The following RPS6KA5 variants were observed in gnomAD, a reference collection of about 807,000 sequenced individuals.
RPS6KA5 encodes the protein ribosomal protein S6 kinase alpha-5.
RPS6KA5 carries 27 observed loss-of-function variants against 85.5 expected under a neutral mutation model. The observed-to-expected ratio is 0.32, with a 90% CI of 0.23 to 0.44. The LOEUF is 0.44. RPS6KA5 is among the 20% of genes least tolerant of loss of function. The probability of loss-of-function intolerance (pLI) is 1.00; values close to 1 mark genes in which losing one functional copy is unlikely to be tolerated. For synonymous variants in RPS6KA5, 334 were observed against 348.2 expected, an observed-to-expected ratio of 0.96 and a Z score of 0.46; for missense variants, 811 against 980.9, an observed-to-expected ratio of 0.83 and a Z score of 2.31.
intron 5 of RPS6KA5, among the ~76,000 whole-genome samples, chr14:90,936,766 G>A (rs772795602): frequency 6.6e-6 from 1 of 151,922 alleles, no homozygotes; most frequent in Non-Finnish European, 1.5e-5. Context: ...ATCATGAGCA[G>A]AAACATCAAA....
chr14:90,922,601 C>T (rs1295327476), intron 6 of RPS6KA5, among the ~76,000 whole-genome samples: 3 of 152,210 alleles, frequency 2.0e-5, no homozygotes, highest in African/African-American at 7.2e-5. Context: ...GCGCTCGCCA[C>T]CACGCCCAGC....
rs370568633 is a variant in RPS6KA5, at chr14:91,059,061, C to T, written c.103+1271G>A. ...ATAATAACCCGGCCGGGCACGGTGG[C>T]TCACGCCTGTAATCCCAGCACTTTG... On this transcript the variant is annotated intron_variant, in intron 1 of 16. Coordinates refer to ENST00000614987, the MANE Select transcript of RPS6KA5 (RefSeq NM_004755.4). 5.1e-4 allele frequency among the ~76,000 whole-genome samples: 77 copies of T among 152,304 alleles called. 1 individual carries two copies. In the South Asian group the frequency reaches 0.016, roughly 31 times the overall value.
chr14:91,051,264 AAATAAATAAAT>A (rs1232773216), intron 1 of RPS6KA5, among the ~76,000 whole-genome samples: 2 of 150,640 alleles, frequency 1.3e-5, no homozygotes, highest in African/African-American at 4.9e-5. Flanking sequence ...ATAAATAAAT[AAATAAATAAAT>A]AAATAAATAA....
intron 1 of RPS6KA5, among the ~76,000 whole-genome samples, chr14:91,043,151 C>A (rs1406449759): frequency 6.6e-6 from 1 of 152,180 alleles, no homozygotes; most frequent in Non-Finnish European, 1.5e-5. Context: ...AACACCACAA[C>A]TTTCCTAGGT....
intron 1 of RPS6KA5, among the ~76,000 whole-genome samples, chr14:91,031,869 A>G (rs1243647568): frequency 6.6e-6 from 1 of 152,202 alleles, no homozygotes; most frequent in Non-Finnish European, 1.5e-5. Context: ...TGATGACTCA[A>G]GAGTTTTAAA....
chr14:90,983,193 C>T (rs186896032), intron 2 of RPS6KA5, among the ~76,000 whole-genome samples: 2 of 150,468 alleles, frequency 1.3e-5, no homozygotes, highest in East Asian at 3.9e-4. Flanking sequence ...AGGAGAATCG[C>T]TTTAACCCAG....
chr14:90,887,792 A>C (rs934154348), intron 14 of RPS6KA5, among the ~76,000 whole-genome samples: 1 of 126,456 alleles, frequency 7.9e-6, no homozygotes, highest in Non-Finnish European at 1.7e-5. Flanking sequence ...CTTCTTTTCT[A>C]TTTAAAAAAA....
chr14:91,005,541 GA>G lies in RPS6KA5; in HGVS notation c.104-4383del, dbSNP rs531563166. ...TGGGGGAGTATTTGTCCATTATAAA[GA>G]TTTTTTTCACTGTGTTAATGACAAA... is the stretch of plus-strand genomic sequence containing the variant. On this transcript the variant is annotated intron_variant, in intron 1 of 16. Transcript: ENST00000614987. Among the ~76,000 whole-genome samples the G allele has an allele frequency of 1.6e-3, 241 of 152,212 alleles. 1 individual carries two copies. Among genetic ancestry groups the G allele is most frequent in the African/African-American group, 5.6e-3 (233 of 41,526 alleles).
intron 1 of RPS6KA5, among the ~76,000 whole-genome samples, chr14:91,027,382 G>A (rs2042025521): frequency 1.3e-5 from 2 of 152,050 alleles, no homozygotes; most frequent in Admixed American, 1.3e-4. Flanking sequence ...CCCACTGCTT[G>A]GTTTTTTTTC....
rs1157502427 is a variant in RPS6KA5, at chr14:90,860,563, T to C, written c.*11511A>G. 6.6e-6 allele frequency: 1 copy of C among 152,030 alleles called. No homozygotes were observed. 9.4% of individuals were successfully genotyped at this position (152,030 alleles called of 1,614,324 possible). A position where few individuals can be genotyped will look rare whatever the true frequency, so the allele number is the denominator to read the frequency against. On this transcript the variant is annotated 3_prime_UTR_variant, in exon 17 of 17. Coordinates refer to ENST00000614987, the MANE Select transcript of RPS6KA5 (RefSeq NM_004755.4). ...ATAAAATAAAATAAAATGGTGAACC[T>C]AGTATTTCATACAAGGCAAAAATAT...
chr14:90,915,068 T>C (rs2036037097), intron 7 of RPS6KA5, among the ~76,000 whole-genome samples: 1 of 152,156 alleles, frequency 6.6e-6, no homozygotes, highest in Admixed American at 6.5e-5. Flanking sequence ...CATAAAGACC[T>C]AAGAAAGCCA....
chr14:90,904,073 C>T (rs761758163), intron 8 of RPS6KA5, among the ~76,000 whole-genome samples: 1 of 152,128 alleles, frequency 6.6e-6, no homozygotes, highest in East Asian at 1.9e-4. Context: ...CCTCAGCCTC[C>T]TGAGTAGCTG....
chr14:90,910,692 T>A (rs1473152233), intron 7 of RPS6KA5, among the ~76,000 whole-genome samples: 12 of 150,356 alleles, frequency 8.0e-5, no homozygotes, highest in African/African-American at 1.5e-4. Flanking sequence ...ATTATTTTTT[T>A]TTTTTTTTTT....
chr14:91,008,022 G>T (rs2041102520), intron 1 of RPS6KA5, among the ~76,000 whole-genome samples: 1 of 152,150 alleles, frequency 6.6e-6, no homozygotes, highest in South Asian at 2.1e-4. Flanking sequence ...CAATGCTATT[G>T]TAAGTATAAT....
At chr14:90,934,207 T>A (rs2037143355) in intron 5 of RPS6KA5, among the ~76,000 whole-genome samples, 1 of 152,258 alleles carries the variant, frequency 6.6e-6, no homozygotes, top group Admixed American at 6.5e-5. Context: ...AGTGCCTGGA[T>A]CACAGGAGAC....
At chr14:90,978,242 C>A in intron 3 of RPS6KA5, 64 bp downstream of exon 3, 1 of 1,226,800 alleles carries the variant, frequency 8.2e-7, no homozygotes, top group South Asian at 1.5e-5. Flanking sequence ...CCTTTAAGTA[C>A]ATTATAACTT....
intron 2 of RPS6KA5, among the ~76,000 whole-genome samples, chr14:90,998,295 T>C (rs1419332587): frequency 1.3e-5 from 2 of 152,188 alleles, no homozygotes; most frequent in Admixed American, 1.3e-4. Context: ...TGTTATAAAA[T>C]TGCTGCACAA....
chr14:90,881,922 T>C (rs1045080866), intron 14 of RPS6KA5, among the ~76,000 whole-genome samples: 6 of 152,240 alleles, frequency 3.9e-5, no homozygotes, highest in Admixed American at 3.9e-4. Flanking sequence ...ATCATGTTTT[T>C]AAATCCATTA....
At chr14:91,058,636 C>A (rs2043433268) in intron 1 of RPS6KA5, among the ~76,000 whole-genome samples, 1 of 152,104 alleles carries the variant, frequency 6.6e-6, no homozygotes, top group Non-Finnish European at 1.5e-5. Context: ...TGGCACAAAT[C>A]CGAATAAATG....
Sources: gnomAD v4.1 joint callset for allele counts (sites outside exome capture counted in the v4.1 genomes callset) on GRCh38, gnomAD v4.1.1 for gene constraint, MANE v1.5 for transcripts, NCBI Gene and HGNC (gene_info 2026-07-23, HGNC 2026-07-21) for gene names.